Variants in LRRTM4 observed in about 807,000 individuals in gnomAD.
LRRTM4 encodes the protein leucine-rich repeat transmembrane neuronal protein 4.
In LRRTM4, 25 loss-of-function variants were observed where a neutral mutation model predicts 47.6. The observed-to-expected ratio is 0.53, with a 90% CI of 0.38 to 0.73. The LOEUF (loss-of-function observed/expected upper bound fraction) is 0.73, where lower values mean the gene tolerates loss of function less well. LRRTM4 is among the 30% of genes least tolerant of loss of function. The pLI, the probability that LRRTM4 is intolerant of heterozygous loss-of-function variation, is 0.00. For missense variants in LRRTM4, 638 were observed against 713.4 expected (o/e 0.89, Z 1.20); for synonymous variants, 311 against 269.5 (o/e 1.15, Z -1.51).
chr2:77,039,483 G>A (rs114519477), intron 3 of LRRTM4, among the ~76,000 whole-genome samples: 2,303 of 151,026 alleles, frequency 0.015, 63 homozygotes, highest in African/African-American at 0.052. Flanking sequence ...TAAATATTTC[G>A]TTCAATTTTA....
chr2:77,200,820 T>TA (rs1673953212), intron 3 of LRRTM4, among the ~76,000 whole-genome samples: 1 of 152,052 alleles, frequency 6.6e-6, no homozygotes, highest in South Asian at 2.1e-4. Context: ...TTTACCTCAT[T>TA]AAACCAGTAA....
chr2:77,120,555 G>T (rs1246884916), intron 3 of LRRTM4, among the ~76,000 whole-genome samples: 1 of 151,614 alleles, frequency 6.6e-6, no homozygotes, highest in Admixed American at 6.6e-5. Context: ...GCTACATAAG[G>T]TTTTCAAATA....
chr2:76,979,573 T>G (rs78298687), intron 3 of LRRTM4, among the ~76,000 whole-genome samples: 4,486 of 103,738 alleles, frequency 0.043, 102 homozygotes, highest in African/African-American at 0.074. Flanking sequence ...TATATATATA[T>G]ATAGAGAGAG....
At chr2:77,477,017 A>G (rs975506359) in intron 3 of LRRTM4, among the ~76,000 whole-genome samples, 1 of 151,072 alleles carries the variant, frequency 6.6e-6, no homozygotes, top group African/African-American at 2.4e-5. Flanking sequence ...CTTTTATGCC[A>G]TAAATGTGAA....
At chr2:77,307,615 A>G (rs796465555) in intron 3 of LRRTM4, among the ~76,000 whole-genome samples, 9,863 of 84,266 alleles carry the variant, frequency 0.12, 521 homozygotes, top group East Asian at 0.35. Context: ...AGATATATCT[A>G]TATATTATAG....
chr2:76,953,150 AT>A (rs1440567791), intron 3 of LRRTM4, among the ~76,000 whole-genome samples: 2 of 126,786 alleles, frequency 1.6e-5, no homozygotes, highest in African/African-American at 6.8e-5. Flanking sequence ...CTAAAATAAA[AT>A]TTGAAAAAAA....
At chr2:77,068,867 G>C (rs1302473264) in intron 3 of LRRTM4, among the ~76,000 whole-genome samples, 1 of 152,012 alleles carries the variant, frequency 6.6e-6, no homozygotes, top group South Asian at 2.1e-4. Context: ...ACCGGAATGA[G>C]GGCAAGGAAC....
intron 3 of LRRTM4, among the ~76,000 whole-genome samples, chr2:76,845,987 C>T (rs1671827399): frequency 6.6e-6 from 1 of 151,836 alleles, no homozygotes; most frequent in Non-Finnish European, 1.5e-5. Flanking sequence ...TTTTTCAACC[C>T]AATGCAGATG....
chr2:76,813,445 A>G (rs62172139), intron 3 of LRRTM4, among the ~76,000 whole-genome samples: 2 of 152,186 alleles, frequency 1.3e-5, no homozygotes, highest in Non-Finnish European at 2.9e-5. Flanking sequence ...AGACAATTTC[A>G]TGACAGGAGA....
chr2:76,792,372 T>C (rs1400995064), intron 3 of LRRTM4, among the ~76,000 whole-genome samples: 3 of 151,978 alleles, frequency 2.0e-5, no homozygotes, highest in African/African-American at 7.3e-5. Context: ...AGGAAAGTGG[T>C]TATAGAAGGC....
chr2:76,913,818 C>T (rs371100535), intron 3 of LRRTM4, among the ~76,000 whole-genome samples: 14 of 151,834 alleles, frequency 9.2e-5, no homozygotes, highest in African/African-American at 2.9e-4. Flanking sequence ...GGATTACAGG[C>T]GTGAACCACC....
intron 3 of LRRTM4, among the ~76,000 whole-genome samples, chr2:76,954,870 T>A (rs7564533): frequency 0.11 from 16,706 of 151,720 alleles, 1,374 homozygotes; most frequent in East Asian, 0.46. Flanking sequence ...AGCAGAAACC[T>A]TGTGGGCCAG....
intron 3 of LRRTM4, among the ~76,000 whole-genome samples, chr2:77,400,403 C>G (rs1673903840): frequency 6.6e-6 from 1 of 151,754 alleles, no homozygotes; most frequent in Non-Finnish European, 1.5e-5. Context: ...TCTCACAGCT[C>G]ATATATCAGC....
At chr2:77,069,456 G>C (rs567865541) in intron 3 of LRRTM4, among the ~76,000 whole-genome samples, 6 of 148,978 alleles carry the variant, frequency 4.0e-5, no homozygotes, top group Non-Finnish European at 7.4e-5. Context: ...TGTTGGAAGA[G>C]TTCAAGAAGG....
chr2:77,253,859 G>C (rs547022071), intron 3 of LRRTM4, among the ~76,000 whole-genome samples: 1 of 152,180 alleles, frequency 6.6e-6, no homozygotes, highest in Admixed American at 6.6e-5. Context: ...AAAGCCTCAG[G>C]AATCTGTGGG....
rs375031218 is a variant in LRRTM4 at position 76,906,609 on chromosome 2, A to G, written c.1552-157693T>C. Among the ~76,000 whole-genome samples the G allele has an allele frequency of 5.3e-5, 8 of 152,300 alleles. No homozygotes were observed. The East Asian group carries it at 1.2e-3, about 22-fold the overall frequency. On this transcript the variant is annotated intron_variant, in intron 3 of 3. Transcript: ENST00000409884. ...GTTGTATTCAGGAAAAGCATCTCAC[A>G]TGCAGAGACACACATAGGCTCAAAA...
intron 3 of LRRTM4, among the ~76,000 whole-genome samples, chr2:77,467,460 G>A (rs966013865): frequency 3.3e-5 from 5 of 152,100 alleles, no homozygotes; most frequent in African/African-American, 7.2e-5. Context: ...TAATAGTCTG[G>A]ATGCTTGGAT....
Position 77,123,285 on chromosome 2 carries a change from T to A in LRRTM4, c.1552-374369A>T, listed in dbSNP as rs76874399. On this transcript the variant is annotated intron_variant, in intron 3 of 3. Coordinates refer to ENST00000409884, the MANE Select transcript of LRRTM4 (RefSeq NM_001134745.3). ...TCAGTCTTTTAACTTGAGTTTGGCA[T>A]GCTTTTTATATCTTTACACTAAAGT... 4.3e-3 allele frequency among the ~76,000 whole-genome samples: 649 copies of A among 151,732 alleles called. 4 individuals are homozygous for A. Among genetic ancestry groups the A allele is most frequent in the African/African-American group, 0.015 (617 of 41,328 alleles).
At chr2:77,214,699 CTT>C (rs200502274) in intron 3 of LRRTM4, among the ~76,000 whole-genome samples, 1 of 145,600 alleles carries the variant, frequency 6.9e-6, no homozygotes, top group African/African-American at 2.5e-5. Flanking sequence ...TTATATAAAT[CTT>C]TTTTTTTTTA....
Sources: allele counts gnomAD v4.1 joint callset (sites outside exome capture counted in the v4.1 genomes callset), GRCh38; gene constraint gnomAD v4.1.1; transcripts MANE v1.5; gene names NCBI Gene and HGNC (gene_info 2026-07-23, HGNC 2026-07-21).